Variants in TRPM6 observed in about 807,000 individuals in gnomAD.
TRPM6 encodes transient receptor potential cation channel subfamily M member 6.
In TRPM6, 111 loss-of-function variants were observed where a neutral mutation model predicts 247.6. That is an observed-to-expected ratio of 0.45 (90% confidence interval 0.38 to 0.52). The LOEUF (loss-of-function observed/expected upper bound fraction) is 0.52. Among genes scored for constraint, TRPM6 ranks in the 20% least tolerant of loss-of-function variants. The probability of loss-of-function intolerance (pLI) is 0.00; values close to 1 mark genes in which losing one functional copy is unlikely to be tolerated. For synonymous variants in TRPM6, 892 were observed against 853.8 expected (o/e 1.04, Z -0.78); for missense variants, 2,126 against 2,421.5 (o/e 0.88, Z 2.56).
intron 36 of TRPM6, 75 bp downstream of exon 36, chr9:74,738,332 C>T (rs1329500545): frequency 4.0e-6 from 6 of 1,487,232 alleles, no homozygotes; most frequent in East Asian, 4.5e-5. Flanking sequence ...CCATATATTA[C>T]CCATCCTGGT....
rs867142115 is a variant in TRPM6 at position 74,842,273 on chromosome 9, C to T, written c.223G>A (p.Gly75Ser). ...ACAGACCATTGTTCACTTTCTTTAC[C>T]CTTGGCAGCTGAGATGGTCCAGGAA... The part of the protein sequence containing the change: ...DYSWTISAAK[G>S]KESEQWSVEK... Residue 75 changes from glycine to serine, a missense_variant, in exon 4 of 39, where the codon GGT becomes AGT. This residue lies in a region of TRPM6 where 1,082 missense variants were observed against 1,307.9 expected (regional missense o/e 0.83). Transcript: ENST00000360774. The T allele has an allele frequency of 2.5e-6, 4 of 1,613,972 alleles. No homozygotes were observed. Among genetic ancestry groups the T allele is most frequent in the Non-Finnish European group, 3.4e-6 (4 of 1,179,978 alleles).
chr9:74,862,122 C>A (rs1314095812), intron 1 of TRPM6, among the ~76,000 whole-genome samples: 1 of 136,224 alleles, frequency 7.3e-6, no homozygotes, highest in Admixed American at 7.3e-5. Flanking sequence ...AAAAAAGCAG[C>A]CTTTAGCTTG....
chr9:74,789,280 T>C (rs912392721), intron 19 of TRPM6, among the ~76,000 whole-genome samples: 6 of 152,078 alleles, frequency 3.9e-5, no homozygotes, highest in African/African-American at 1.5e-4. Flanking sequence ...GGACCGTTTG[T>C]CAATATTTAT....
At chr9:74,800,582 G>A in intron 16 of TRPM6, 100 bp from the exon 17 acceptor site, 1 of 825,152 alleles carries the variant, frequency 1.2e-6, no homozygotes, top group South Asian at 1.4e-5. Flanking sequence ...AAGATTGGAT[G>A]TGAGGCTCAG....
At chr9:74,878,080 A>G (rs1199222390) in intron 1 of TRPM6, among the ~76,000 whole-genome samples, 1 of 152,060 alleles carries the variant, frequency 6.6e-6, no homozygotes, top group Non-Finnish European at 1.5e-5. Flanking sequence ...CCTGCCACCA[A>G]CACCACAGCT....
chr9:74,849,844 C>T (rs973371242), intron 3 of TRPM6, among the ~76,000 whole-genome samples: 20 of 152,212 alleles, frequency 1.3e-4, no homozygotes, highest in African/African-American at 4.8e-4. Flanking sequence ...TCTTCAACTG[C>T]AGTAATGTAA....
intron 38 of TRPM6, among the ~76,000 whole-genome samples, chr9:74,726,987 T>A (rs1825351555): frequency 6.6e-6 from 1 of 152,154 alleles, no homozygotes; most frequent in Non-Finnish European, 1.5e-5. Context: ...GTTATGGCCC[T>A]CTGCTCTCTG....
At chr9:74,842,112 GAA>G (rs373974133) in intron 4 of TRPM6, 52 bp downstream of exon 4, 11,889 of 1,332,504 alleles carry the variant, frequency 8.9e-3, no homozygotes, top group Admixed American at 0.013. Flanking sequence ...ACCCCGTCTC[GAA>G]AAAAAAAAAA....
At chr9:74,747,990 C>T (rs939928450) in intron 30 of TRPM6, 76 bp from the exon 31 acceptor site, 85 of 1,291,808 alleles carry the variant, frequency 6.6e-5, no homozygotes, top group Non-Finnish European at 8.2e-5. Context: ...GGAAACAGCA[C>T]ATGGAACAGT....
At chr9:74,815,276 A>G (rs890429064) in intron 11 of TRPM6, among the ~76,000 whole-genome samples, 4 of 152,208 alleles carry the variant, frequency 2.6e-5, no homozygotes, top group African/African-American at 9.6e-5. Context: ...ATAGGAAAAA[A>G]AAATGGTGAC....
At chr9:74,757,328 C>T (rs930081772) in intron 27 of TRPM6, among the ~76,000 whole-genome samples, 2 of 151,980 alleles carry the variant, frequency 1.3e-5, no homozygotes, top group African/African-American at 4.8e-5. Flanking sequence ...GCCTGTAATC[C>T]CAGCACTTTG....
chr9:74,764,673 C>A (rs1445157654), intron 25 of TRPM6, among the ~76,000 whole-genome samples: 1 of 152,156 alleles, frequency 6.6e-6, no homozygotes, highest in Non-Finnish European at 1.5e-5. Flanking sequence ...ATCTAAACTT[C>A]ATGAGTGATG....
At chr9:74,818,753 C>T (rs1003218337) in intron 9 of TRPM6, among the ~76,000 whole-genome samples, 1 of 152,134 alleles carries the variant, frequency 6.6e-6, no homozygotes, top group Non-Finnish European at 1.5e-5. Context: ...AAGCATGCTG[C>T]TAATTAGAAA....
In TRPM6 at chr9:74,755,457, G is replaced by A. The variant is rs1826402353; in HGVS notation, c.4802C>T (p.Ala1601Val). ...GLQVPIITVN[A>V]CSQSDQLNPE... The stretch of plus-strand genomic sequence containing the variant: ...ATTCAACTGGTCACTCTGAGAGCAG[G>A]CATTGACTGTTATGATCTGGAGAGA... The change falls in exon 28 of 39, where the codon GCC becomes GTC. Residue 1601 changes from alanine to valine, a missense_variant. Physicochemically the swap from Ala to Val is moderately conservative, Grantham distance 64. Around this residue, in one of 3 missense-constraint regions of TRPM6, gnomAD observed 717 missense variants for 715.9 expected, o/e 1.00. Transcript: ENST00000360774. 3.7e-6 allele frequency: 6 copies of A among 1,614,104 alleles called. No homozygotes were observed. Among genetic ancestry groups the A allele is most frequent in the Non-Finnish European group, 5.1e-6 (6 of 1,179,996 alleles).
chr9:74,747,719 C>A (rs1826097175), intron 31 of TRPM6, among the ~76,000 whole-genome samples, 170 bp downstream of exon 31: 1 of 152,178 alleles, frequency 6.6e-6, no homozygotes, highest in Non-Finnish European at 1.5e-5. Flanking sequence ...CCCAATTTGT[C>A]TGAAGAAAGA....
At chr9:74,818,073 C>A (rs1261015522) in intron 9 of TRPM6, among the ~76,000 whole-genome samples, 1 of 152,120 alleles carries the variant, frequency 6.6e-6, no homozygotes, top group Non-Finnish European at 1.5e-5. Flanking sequence ...TTGTACAACC[C>A]AATTCCTATC....
chr9:74,793,113 G>GC (rs1234371822), intron 18 of TRPM6, among the ~76,000 whole-genome samples: 3 of 152,184 alleles, frequency 2.0e-5, no homozygotes, highest in African/African-American at 7.2e-5. Context: ...CCGATATCAT[G>GC]CCACCGCACT....
At chr9:74,790,601 T>C (rs142474820) in intron 19 of TRPM6, among the ~76,000 whole-genome samples, 2 of 152,336 alleles carry the variant, frequency 1.3e-5, no homozygotes, top group East Asian at 1.9e-4. Context: ...GTATTGATGT[T>C]TGGCAACGTC....
chr9:74,732,914 C>G (rs1320980801), intron 36 of TRPM6, among the ~76,000 whole-genome samples, 178 bp from the exon 37 acceptor site: 1 of 152,174 alleles, frequency 6.6e-6, no homozygotes, highest in African/African-American at 2.4e-5. Flanking sequence ...AAAAATCTGG[C>G]TGGGCGCGGT....
Sources: allele counts gnomAD v4.1 joint callset (sites outside exome capture counted in the v4.1 genomes callset), GRCh38; gene constraint gnomAD v4.1.1; regional missense constraint gnomAD v4.1.1; transcripts MANE v1.5; gene names NCBI Gene and HGNC (gene_info 2026-07-23, HGNC 2026-07-21).